The following LUZP1 variants were observed in gnomAD, a reference collection of about 807,000 sequenced individuals.
The protein encoded by LUZP1 is leucine zipper protein 1.
LUZP1 carries 25 observed loss-of-function variants against 71.3 expected under a neutral mutation model. The ratio of observed to expected loss-of-function variants is 0.35; its 90% confidence interval spans 0.26 to 0.49. The LOEUF (loss-of-function observed/expected upper bound fraction) is 0.49, where lower values mean the gene tolerates loss of function less well. LUZP1 is among the 20% of genes least tolerant of loss of function. The probability of loss-of-function intolerance (pLI) is 0.99; values close to 1 mark genes in which losing one functional copy is unlikely to be tolerated. For synonymous variants in LUZP1, 481 were observed against 506.4 expected (o/e 0.95, Z 0.67); for missense variants, 1,142 against 1,300.8 (o/e 0.88, Z 1.88).
At chr1:23,089,128 T>C in intron 4 of LUZP1, 75 bp from the exon 4 acceptor site, 1 of 1,444,710 alleles carries the variant, frequency 6.9e-7, no homozygotes, top group Non-Finnish European at 9.6e-7. Context: ...CCTGCTACCA[T>C]AGTGGGTCCT....
intron 3 of LUZP1, among the ~76,000 whole-genome samples, chr1:23,107,768 C>T (rs1363587664): frequency 6.6e-6 from 1 of 152,172 alleles, no homozygotes; most frequent in East Asian, 1.9e-4. Flanking sequence ...AAGATCGCAC[C>T]AGTGCACTCC....
intron 1 of LUZP1, among the ~76,000 whole-genome samples, chr1:23,171,410 G>A (rs1415679430): frequency 6.6e-6 from 1 of 152,216 alleles, no homozygotes; most frequent in African/African-American, 2.4e-5. Context: ...TGGGGTCAGC[G>A]TGTAGTTCTC....
Position 23,094,195 on chromosome 1 carries a change from G to A in LUZP1, c.67C>T (p.Leu23=), listed in dbSNP as rs1424524501. ...TCCAACTCATCAAGGCGGCGGCTTA[G>A]ACTCTGTAGCTTAAACCGCAAGTGG... The change falls in exon 4 of 5, where the codon CTA becomes TTA. Residue 23 remains leucine, a synonymous_variant. Coordinates refer to ENST00000302291, the Ensembl canonical transcript of LUZP1. This position sits in a 1 kb window ranked among gnomAD's most constrained non-coding sequence, Gnocchi z 4.7. The A allele has an allele frequency of 1.2e-6, 2 of 1,614,018 alleles. No homozygotes were observed. The highest frequency in any genetic ancestry group is 1.3e-5 in the African/African-American group (1 of 74,924).
intron 3 of LUZP1, among the ~76,000 whole-genome samples, chr1:23,103,547 G>A (rs1643948531): frequency 6.6e-6 from 1 of 151,792 alleles, no homozygotes; most frequent in African/African-American, 2.4e-5. Context: ...CACTTCTAAT[G>A]ACAAGAATGA....
chr1:23,104,497 C>A (rs975529784), intron 3 of LUZP1, among the ~76,000 whole-genome samples: 3 of 152,062 alleles, frequency 2.0e-5, no homozygotes, highest in Non-Finnish European at 4.4e-5. Flanking sequence ...TGGTAAACAT[C>A]TTTTAATGCA....
chr1:23,139,085 GTA>G (rs1308653989), intron 2 of LUZP1, among the ~76,000 whole-genome samples: 1 of 133,390 alleles, frequency 7.5e-6, no homozygotes, highest in East Asian at 2.1e-4. Flanking sequence ...TAATGTGTGT[GTA>G]TATATATAGA....
intron 2 of LUZP1, among the ~76,000 whole-genome samples, chr1:23,123,837 GAC>G (rs1167120738): frequency 6.6e-6 from 1 of 152,090 alleles, no homozygotes. Flanking sequence ...ATAGACCTAA[GAC>G]ATTTGCTATT....
intron 2 of LUZP1, among the ~76,000 whole-genome samples, chr1:23,135,175 T>G (rs544090991): frequency 6.6e-6 from 1 of 152,354 alleles, no homozygotes; most frequent in African/African-American, 2.4e-5. Context: ...ACTTAAGGAC[T>G]GGGGCAGCAC....
chr1:23,087,441 T>C (rs533228935), exon 5 of LUZP1: 2 of 152,392 alleles, frequency 1.3e-5, no homozygotes, highest in East Asian at 3.9e-4. Flanking sequence ...TTCAAAGAAC[T>C]CATTTTACAG....
exon 2 of LUZP1, chr1:23,168,836 C>T (rs1281717890): frequency 2.6e-5 from 4 of 152,740 alleles, no homozygotes; most frequent in African/African-American, 4.8e-5. Context: ...CCGGCGCCTC[C>T]TCTGGCTCCG....
At chr1:23,175,087 T>C (rs1359299233) in intron 1 of LUZP1, among the ~76,000 whole-genome samples, 1 of 152,134 alleles carries the variant, frequency 6.6e-6, no homozygotes, top group African/African-American at 2.4e-5. Flanking sequence ...TTAAAGGTTA[T>C]AGGGGGTCAT....
chr1:23,088,849 A>T (rs1382298885), exon 5 of LUZP1: 12 of 1,597,080 alleles, frequency 7.5e-6, no homozygotes, highest in Non-Finnish European at 1.0e-5. Flanking sequence ...ACGGTGGAAG[A>T]GCTGAGAAGC....
At chr1:23,151,107 A>C (rs1402214946) in intron 2 of LUZP1, among the ~76,000 whole-genome samples, 1 of 152,030 alleles carries the variant, frequency 6.6e-6, no homozygotes, top group Non-Finnish European at 1.5e-5. Flanking sequence ...GCAATGGTGC[A>C]ATCTCGGCTC....
At chr1:23,157,308 G>C (rs968288607) in intron 2 of LUZP1, among the ~76,000 whole-genome samples, 21 of 152,196 alleles carry the variant, frequency 1.4e-4, no homozygotes, top group Non-Finnish European at 2.6e-4. Flanking sequence ...GTCCAGCCTG[G>C]GTAACAGAGT....
chr1:23,083,948 G>A (rs933441274), downstream of LUZP1: 1 of 151,338 alleles, frequency 6.6e-6, no homozygotes, highest in Non-Finnish European at 1.5e-5. Context: ...GAGTGTGGTG[G>A]TGTGCCAAGA....
chr1:23,176,093 G>T (rs1343464455), intron 1 of LUZP1, among the ~76,000 whole-genome samples: 4 of 128,398 alleles, frequency 3.1e-5, no homozygotes, highest in Middle Eastern at 5.1e-3. Flanking sequence ...ATGGAGTCTT[G>T]CTCTGTCGCC....
chr1:23,147,099 A>AAATAATAATAATAAT lies in LUZP1; in HGVS notation c.-226+21652_-226+21666dup, dbSNP rs371398665. ...GTGACAGAGTGAGACTCCGTCTCAA[A>AAATAATAATAATAAT]AATAATAATAATAATAATAATAATA... On this transcript the variant is annotated intron_variant, in intron 2 of 4. Coordinates refer to ENST00000302291, the Ensembl canonical transcript of LUZP1. Among the ~76,000 whole-genome samples the AAATAATAATAATAAT allele has an allele frequency of 3.3e-3, 481 of 144,514 alleles. 1 individual carries two copies. The highest frequency in any genetic ancestry group is 8.0e-3 in the African/African-American group (310 of 38,968). The allele number at this position is 144,514 out of a possible 152,430, so 94.8% of individuals were successfully genotyped here. A position where few individuals can be genotyped will look rare whatever the true frequency, so the allele number is the denominator to read the frequency against.
At chr1:23,163,555 TAAAAAA>T (rs57231452) in intron 2 of LUZP1, among the ~76,000 whole-genome samples, 2 of 119,162 alleles carry the variant, frequency 1.7e-5, no homozygotes, top group East Asian at 2.4e-4. Context: ...TCCCGTCTCT[TAAAAAA>T]AAAAAAAAAA....
At chr1:23,100,602 C>T (rs1468459999) in intron 3 of LUZP1, among the ~76,000 whole-genome samples, 1 of 152,170 alleles carries the variant, frequency 6.6e-6, no homozygotes, top group South Asian at 2.1e-4. Flanking sequence ...TCCTCCACTC[C>T]TCAGAATGAG....
Sources: allele counts gnomAD v4.1 joint callset (sites outside exome capture counted in the v4.1 genomes callset), GRCh38; gene constraint gnomAD v4.1.1; non-coding constraint Gnocchi (gnomAD v3.1); transcripts MANE v1.5; gene names NCBI Gene and HGNC (gene_info 2026-07-23, HGNC 2026-07-21).